The following SPINK5 variants were observed in gnomAD, a reference collection of about 807,000 sequenced individuals.
The protein encoded by SPINK5 is serine peptidase inhibitor Kazal type 5, also known as serine protease inhibitor Kazal-type 5.
A neutral mutation model predicts 151.8 loss-of-function variants in SPINK5; 125 were observed. The ratio of observed to expected loss-of-function variants is 0.82; its 90% confidence interval spans 0.71 to 0.96. The LOEUF is 0.96. SPINK5 is among the 40% of genes least tolerant of loss of function. The probability of loss-of-function intolerance (pLI) is 0.00; values close to 1 mark genes in which losing one functional copy is unlikely to be tolerated. For synonymous variants in SPINK5, 374 were observed against 395.3 expected, an observed-to-expected ratio of 0.95 and a Z score of 0.64; for missense variants, 1,194 against 1,291.9, an observed-to-expected ratio of 0.92 and a Z score of 1.16.
intron 29 of SPINK5, among the ~76,000 whole-genome samples, chr5:148,126,268 C>G (rs537064112): frequency 6.6e-6 from 1 of 151,926 alleles, no homozygotes; most frequent in African/African-American, 2.4e-5. Flanking sequence ...CTAGGTTATT[C>G]TAAAAAGCAA....
At chr5:148,067,385 G>A (rs549819914) in intron 2 of SPINK5, among the ~76,000 whole-genome samples, 1 of 152,224 alleles carries the variant, frequency 6.6e-6, no homozygotes, top group East Asian at 1.9e-4. Context: ...ACAGGCCAGG[G>A]ACTGGAAGTT....
chr5:148,121,524 A>G (rs76594753), intron 26 of SPINK5, among the ~76,000 whole-genome samples: 2,058 of 152,166 alleles, frequency 0.014, 33 homozygotes, highest in African/African-American at 0.047. Context: ...ACCTTATTGC[A>G]CAACTTCACA....
At chr5:148,079,460 A>C (rs887605972) in intron 4 of SPINK5, among the ~76,000 whole-genome samples, 1 of 151,256 alleles carries the variant, frequency 6.6e-6, no homozygotes, top group African/African-American at 2.4e-5. Context: ...CAAAAGCAGA[A>C]AACTACTGAC....
rs774354593 is a variant in SPINK5, at chr5:148,086,532, C to T, written c.410C>T (p.Ala137Val). The change falls in exon 5 of 33, where the codon GCG (alanine) becomes GTG (valine). Residue 137 changes from alanine to valine, a missense_variant and splice_region_variant. Physicochemically the swap from Ala to Val is moderately conservative, Grantham distance 64. Coordinates refer to ENST00000256084, the MANE Select transcript of SPINK5 (RefSeq NM_006846.4). ...DNRCALCAEN[A>V]KTGSQIGVKS... ...AGATGTGCACTGTGTGCTGAGAATG[C>T]GTGAGTATTCTCTGAAGTAGGCTTT... 8 of 1,610,454 alleles carry T rather than the reference C, an allele frequency of 5.0e-6. No individual in the cohort carries two copies. The highest frequency in any genetic ancestry group is 3.3e-5 in the Admixed American group (2 of 59,824).
At chr5:148,108,885 C>G (rs761951841) in intron 18 of SPINK5, 48 bp downstream of exon 18, 17 of 1,606,448 alleles carry the variant, frequency 1.1e-5, no homozygotes, top group African/African-American at 4.0e-5. Context: ...AACGATCACT[C>G]TCCCTAGGGA....
chr5:148,101,714 T>G (rs1753649142), intron 14 of SPINK5, 67 bp from the exon 15 acceptor site: 5 of 1,610,480 alleles, frequency 3.1e-6, no homozygotes, highest in Non-Finnish European at 3.4e-6. Flanking sequence ...AGTACAAGCT[T>G]TAGCTATTTT....
In SPINK5 at chr5:148,118,465, T is replaced by C; in HGVS notation, c.2141T>C (p.Met714Thr). 1 of 1,614,130 alleles carries C rather than the reference T, an allele frequency of 6.2e-7. No individual in the cohort carries two copies. Among genetic ancestry groups the C allele is most frequent in the Non-Finnish European group, 8.5e-7 (1 of 1,180,020 alleles). The change falls in exon 23 of 33, where the codon ATG becomes ACG. Residue 714 changes from methionine (M) to threonine (T), a missense_variant. Transcript: ENST00000256084. ...QDECAEYREQ[M>T]KNGRLSCTRE... Reference sequence around the variant, plus strand: ...GAATGTGCTGAGTATCGGGAACAAATGAAAAATGGAAGACTCAGCTGTACT... The same window carrying C: ...GAATGTGCTGAGTATCGGGAACAAACGAAAAATGGAAGACTCAGCTGTACT...
At position 148,137,142 on chromosome 5, in the gene SPINK5, T is replaced by A; in HGVS notation, c.*151T>A. The A allele has an allele frequency of 9.9e-7, 1 of 1,005,876 alleles. No individual in the cohort carries two copies. The highest frequency in any genetic ancestry group is 1.5e-6 in the Non-Finnish European group (1 of 647,252). 62.3% of individuals were successfully genotyped at this position (1,005,876 alleles called of 1,614,324 possible). ...GCTTTTGGGAATGGACTCACTGATT[T>A]TCAGTCTTTTCCATCTCTTTCCTCC... On this transcript the variant is annotated 3_prime_UTR_variant, in exon 33 of 33. Coordinates refer to ENST00000256084, the MANE Select transcript of SPINK5 (RefSeq NM_006846.4).
intron 21 of SPINK5, among the ~76,000 whole-genome samples, chr5:148,115,760 G>A (rs888209522): frequency 6.6e-6 from 1 of 151,800 alleles, no homozygotes; most frequent in African/African-American, 2.4e-5. Context: ...AGGTATTGGC[G>A]ATAAACACAG....
At chr5:148,080,998 G>A (rs1014906121) in intron 4 of SPINK5, among the ~76,000 whole-genome samples, 24 of 151,440 alleles carry the variant, frequency 1.6e-4, no homozygotes, top group African/African-American at 5.8e-4. Context: ...TATATGAATG[G>A]CTAATAAGCA....
intron 17 of SPINK5, 38 bp downstream of exon 17, chr5:148,107,202 A>T: frequency 6.2e-7 from 1 of 1,605,782 alleles, no homozygotes; most frequent in Non-Finnish European, 8.5e-7. Flanking sequence ...GAATTTCTTC[A>T]TCCATGATCG....
chr5:148,106,983 A>C (rs1753798164), intron 16 of SPINK5, 54 bp from the exon 17 acceptor site: 2 of 1,600,442 alleles, frequency 1.2e-6, no homozygotes, highest in Non-Finnish European at 8.5e-7. Context: ...TAATAGGAAA[A>C]GATGCAGGAA....
At chr5:148,099,589 C>T (rs1161530077) in intron 12 of SPINK5, among the ~76,000 whole-genome samples, 2 of 151,826 alleles carry the variant, frequency 1.3e-5, no homozygotes, top group Non-Finnish European at 2.9e-5. Context: ...CTTTTGCTAA[C>T]TACTTTCCAG....
intron 26 of SPINK5, among the ~76,000 whole-genome samples, chr5:148,122,866 A>ATTT (rs111936279): frequency 0.5 from 63,367 of 127,504 alleles, 17,248 homozygotes; most frequent in Non-Finnish European, 0.6. Flanking sequence ...TCGCACAATA[A>ATTT]TTTTTTTTTT....
At chr5:148,070,015 G>T (rs571816514) in intron 2 of SPINK5, among the ~76,000 whole-genome samples, 32 of 152,040 alleles carry the variant, frequency 2.1e-4, no homozygotes, top group African/African-American at 7.2e-4. Flanking sequence ...ATTACTATTG[G>T]CCTACTGTGT....
chr5:148,120,166 TGTGA>T, intron 25 of SPINK5, 30 bp downstream of exon 25: 1 of 1,614,044 alleles, frequency 6.2e-7, no homozygotes, highest in East Asian at 2.2e-5. Flanking sequence ...AGCTTTTGAC[TGTGA>T]GTCTTAAAGT....
chr5:148,108,822 G>A lies in SPINK5; in HGVS notation c.1677G>A (p.Lys559=), dbSNP rs1581089681. 1.2e-6 allele frequency: 2 copies of A among 1,612,350 alleles called. No homozygotes were observed. Residue 559 remains lysine, a synonymous_variant, in exon 18 of 33, where the codon AAG becomes AAA. Transcript: ENST00000256084. ...GGAAAGTCGAGGCTGAAAAAGTTAA[G>A]AGAGAAGCAGTTCAGGTAGTTGTTT... ...EKGKVEAEKV[K]REAVQELCSE...
At chr5:148,110,461 C>T (rs936181998) in intron 18 of SPINK5, among the ~76,000 whole-genome samples, 6 of 152,090 alleles carry the variant, frequency 3.9e-5, no homozygotes, top group African/African-American at 1.4e-4. Context: ...AAATATTTTC[C>T]CATGTGTGCA....
chr5:148,071,280 T>A (rs1464519766), intron 3 of SPINK5, among the ~76,000 whole-genome samples: 1 of 152,068 alleles, frequency 6.6e-6, no homozygotes, highest in Non-Finnish European at 1.5e-5. Flanking sequence ...TTGGTGTGTG[T>A]CACAGGATTT....
Sources: gnomAD v4.1 joint callset for allele counts (sites outside exome capture counted in the v4.1 genomes callset) on GRCh38, gnomAD v4.1.1 for gene constraint, MANE v1.5 for transcripts, NCBI Gene and HGNC (gene_info 2026-07-23, HGNC 2026-07-21) for gene names.